Variants in PXDNL observed in about 807,000 individuals in gnomAD.
PXDNL encodes the protein probable oxidoreductase PXDNL.
Under a neutral mutation model 150.8 loss-of-function variants are expected in PXDNL, and 145 were observed. That is an observed-to-expected ratio of 0.96 (90% CI 0.84 to 1.10). PXDNL has a LOEUF of 1.10. Ranked by LOEUF, PXDNL falls within the 50% of genes least tolerant of loss-of-function variation. The pLI is 0.00. For missense variants in PXDNL, 2,087 were observed against 1,873.9 expected (o/e 1.11, Z -2.10); for synonymous variants, 757 against 725.7 (o/e 1.04, Z -0.69).
At chr8:51,643,630 T>C (rs1442678997) in intron 2 of PXDNL, among the ~76,000 whole-genome samples, 1 of 152,126 alleles carries the variant, frequency 6.6e-6, no homozygotes, top group African/African-American at 2.4e-5. Flanking sequence ...GACATAGGCA[T>C]GGGCAAGGAC....
intron 1 of PXDNL, chr8:51,722,106 A>G (rs764997246): frequency 5.7e-5 from 10 of 175,906 alleles, no homozygotes; most frequent in Non-Finnish European, 1.1e-4. Context: ...TTTCTCACCA[A>G]TGCACACTGG....
chr8:51,692,925 A>G (rs933950956), intron 1 of PXDNL, among the ~76,000 whole-genome samples: 1 of 152,252 alleles, frequency 6.6e-6, no homozygotes. Flanking sequence ...TACAATAGTT[A>G]AATACATTTT....
chr8:51,435,978 G>A (rs1401143966), intron 12 of PXDNL: 1 of 517,180 alleles, frequency 1.9e-6, no homozygotes, highest in South Asian at 1.5e-5. Context: ...GAAAAAAACA[G>A]GATCTCTTTA....
chr8:51,417,246 T>G (rs1563403278), intron 14 of PXDNL, among the ~76,000 whole-genome samples: 1 of 152,202 alleles, frequency 6.6e-6, no homozygotes, highest in Non-Finnish European at 1.5e-5. Context: ...TTTTTCTTTG[T>G]TAAGTCTCAG....
intron 4 of PXDNL, among the ~76,000 whole-genome samples, chr8:51,540,233 C>T (rs948720237): frequency 2.0e-5 from 3 of 152,090 alleles, no homozygotes; most frequent in African/African-American, 7.2e-5. Flanking sequence ...TATGGTTTAA[C>T]TCTTATCTCT....
intron 1 of PXDNL, among the ~76,000 whole-genome samples, chr8:51,778,903 G>A (rs1406434567): frequency 6.6e-6 from 1 of 152,142 alleles, no homozygotes; most frequent in African/African-American, 2.4e-5. Flanking sequence ...AGAACACACT[G>A]AATTTTGCTA....
chr8:51,637,765 A>G lies in PXDNL; in HGVS notation c.236+16924T>C, dbSNP rs947253670. Among the ~76,000 whole-genome samples the G allele has an allele frequency of 4.6e-5, 7 of 152,364 alleles. No individual in the cohort carries two copies. In the East Asian group the frequency reaches 1.3e-3, roughly 29 times the overall value. ...GTGACAGGGAGAATGGAACCAAGTT[A>G]GAAAACACTCTTCAGGATATTATCC... On this transcript the variant is annotated intron_variant, in intron 2 of 22. Transcript: ENST00000356297.
At chr8:51,345,777 G>A in intron 20 of PXDNL, 56 bp downstream of exon 20, 1 of 1,067,822 alleles carries the variant, frequency 9.4e-7, no homozygotes. Flanking sequence ...CAAATTGTAG[G>A]TTTGAAGCAA....
chr8:51,332,179 G>A (rs1462384313), intron 21 of PXDNL, among the ~76,000 whole-genome samples: 1 of 152,160 alleles, frequency 6.6e-6, no homozygotes, highest in Admixed American at 6.5e-5. Context: ...ACCAGGACCA[G>A]CCAGGAGCTG....
chr8:51,735,292 T>A lies in PXDNL; in HGVS notation c.164+73889A>T, dbSNP rs79184649. Among the ~76,000 whole-genome samples the A allele has an allele frequency of 2.1e-3, 313 of 151,690 alleles. 2 individuals are homozygous for A. The highest frequency in any genetic ancestry group is 7.2e-3 in the African/African-American group (297 of 41,424). ...GGTCAGGAGTTTGAGATCAGCCTGG[T>A]CAACATGGTGAGACCCTGTATCTAC... is the stretch of plus-strand genomic sequence containing the variant. On this transcript the variant is annotated intron_variant, in intron 1 of 22. Transcript: ENST00000356297.
chr8:51,772,003 G>T (rs2037301150), intron 1 of PXDNL, among the ~76,000 whole-genome samples: 1 of 152,022 alleles, frequency 6.6e-6, no homozygotes, highest in South Asian at 2.1e-4. Flanking sequence ...GTGAGGAGGT[G>T]TGGTCCAGTG....
rs982073980 is a variant in PXDNL at position 51,463,930 on chromosome 8, T to C, written c.813-6263A>G. On this transcript the variant is annotated intron_variant, in intron 8 of 22. Transcript: ENST00000356297. ...ACACAACATACCAAAATCTCTAGAA[T>C]GCAGCAAAAGCAATGTTAAGAGGAG... Among the ~76,000 whole-genome samples, 3 of 151,374 alleles carry C rather than the reference T, an allele frequency of 2.0e-5. No homozygotes were observed. The East Asian group carries it at 5.8e-4, about 29-fold the overall frequency.
At chr8:51,346,719 C>A (rs1333381059) in intron 19 of PXDNL, among the ~76,000 whole-genome samples, 1 of 152,116 alleles carries the variant, frequency 6.6e-6, no homozygotes, top group African/African-American at 2.4e-5. Context: ...CCCGTACTCT[C>A]TTGCTCCCAC....
At chr8:51,597,778 G>C (rs13253025) in intron 2 of PXDNL, among the ~76,000 whole-genome samples, 1 of 150,874 alleles carries the variant, frequency 6.6e-6, no homozygotes, top group Non-Finnish European at 1.5e-5. Context: ...ACAATGGTGC[G>C]ATCATAGCTC....
chr8:51,522,269 TTTAG>T (rs1398091249), intron 4 of PXDNL, among the ~76,000 whole-genome samples: 2 of 152,134 alleles, frequency 1.3e-5, no homozygotes, highest in African/African-American at 2.4e-5. Context: ...AGAGAAACTA[TTTAG>T]TAAATCTGTA....
Position 51,809,378 on chromosome 8 carries a change from G to GC in PXDNL, c.-35dup. On this transcript the variant is annotated 5_prime_UTR_variant, in exon 1 of 23. Transcript: ENST00000356297. Reference sequence around the variant, plus strand: ...TCGCTGCTGGCCACGCGAAGAAGCAGCCGGAGGGAGAGCAGCAGCTGCAGC... The same window carrying GC: ...TCGCTGCTGGCCACGCGAAGAAGCAGCCCGGAGGGAGAGCAGCAGCTGCAGC... 1 of 1,501,596 alleles carries GC rather than the reference G, an allele frequency of 6.7e-7. No homozygotes were observed. The highest frequency in any genetic ancestry group is 8.9e-7 in the Non-Finnish European group (1 of 1,125,222). The allele number at this position is 1,501,596 out of a possible 1,614,324, so 93.0% of individuals were successfully genotyped here. A position where few individuals can be genotyped will look rare whatever the true frequency, so the allele number is the denominator to read the frequency against.
intron 2 of PXDNL, among the ~76,000 whole-genome samples, chr8:51,608,634 C>G (rs148525687): frequency 0.016 from 2,414 of 146,830 alleles, 131 homozygotes; most frequent in African/African-American, 0.054. Context: ...TCAGGAGATC[C>G]AGACCATCCT....
intron 1 of PXDNL, among the ~76,000 whole-genome samples, chr8:51,666,146 A>G (rs1161218874): frequency 6.6e-6 from 1 of 152,126 alleles, no homozygotes; most frequent in Non-Finnish European, 1.5e-5. Context: ...TGAACTCTTG[A>G]TGCATAGTCA....
intron 2 of PXDNL, among the ~76,000 whole-genome samples, chr8:51,647,019 G>A (rs975310493): frequency 2.6e-5 from 4 of 152,070 alleles, no homozygotes; most frequent in South Asian, 2.1e-4. Context: ...AGGATACAAC[G>A]TACTTTTAAG....
Sources: gnomAD v4.1 joint callset for allele counts (sites outside exome capture counted in the v4.1 genomes callset) on GRCh38, gnomAD v4.1.1 for gene constraint, MANE v1.5 for transcripts, NCBI Gene and HGNC (gene_info 2026-07-23, HGNC 2026-07-21) for gene names.